XPO4: variants seen among roughly 807,000 people sequenced by gnomAD.
The protein encoded by XPO4 is exportin-4.
XPO4 carries 39 observed loss-of-function variants against 143.0 expected under a neutral mutation model. That is an observed-to-expected ratio of 0.27 (90% CI 0.21 to 0.36). XPO4 has a LOEUF of 0.36. Ranked by LOEUF, XPO4 falls within the 10% of genes least tolerant of loss-of-function variation. The pLI is 1.00. For synonymous variants in XPO4, 439 were observed against 474.0 expected, an observed-to-expected ratio of 0.93 and a Z score of 0.96; for missense variants, 907 against 1,348.0, an observed-to-expected ratio of 0.67 and a Z score of 5.12.
At chr13:20,902,305 A>C (rs1825241162) in intron 1 of XPO4, 2 of 985,364 alleles carry the variant, frequency 2.0e-6, no homozygotes, top group African/African-American at 3.5e-5. Flanking sequence ...ACACAGCCCT[A>C]CAAATTTCCC....
intron 15 of XPO4, 140 bp from the exon 16 acceptor site, chr13:20,799,479 A>G: frequency 1.5e-6 from 1 of 676,796 alleles, no homozygotes; most frequent in Non-Finnish European, 2.3e-6. Context: ...AACTTAGTAT[A>G]GACTTTGAAG....
At chr13:20,811,288 CTT>C (rs769614867) in intron 9 of XPO4, among the ~76,000 whole-genome samples, 20 of 136,662 alleles carry the variant, frequency 1.5e-4, no homozygotes, top group Admixed American at 1.5e-4. Context: ...ATGCTTTTTT[CTT>C]TTTTTTTTTT....
intron 1 of XPO4, among the ~76,000 whole-genome samples, chr13:20,894,817 C>T (rs2138186885): frequency 6.6e-6 from 1 of 150,946 alleles, no homozygotes; most frequent in Admixed American, 6.6e-5. Flanking sequence ...GCACTCCAGC[C>T]TGGGCAACAA....
rs1002894569 is a variant in XPO4 at position 20,822,205 on chromosome 13, T to C, written c.925A>G (p.Ile309Val). The C allele has an allele frequency of 4.3e-6, 7 of 1,614,096 alleles. No homozygotes were observed. Among genetic ancestry groups the C allele is most frequent in the South Asian group, 1.1e-5 (1 of 91,084 alleles). The change falls in exon 8 of 23, where the codon ATC becomes GTC. Residue 309 changes from isoleucine (I) to valine (V), a missense_variant. Coordinates refer to ENST00000255305, the MANE Select transcript of XPO4 (RefSeq NM_022459.5). Reference sequence around the variant, plus strand: ...ACTTGTGATCCTTCATCTGGGAAGATGGGTCCATGAAGAGAAGCTAACTGG... The same window carrying C: ...ACTTGTGATCCTTCATCTGGGAAGACGGGTCCATGAAGAGAAGCTAACTGG... ...LAQLASLHGP[I>V]FPDEGSQVDY...
rs117588686 is a variant in XPO4, at chr13:20,900,020, C to T, written c.69+2650G>A. ...AGACAAACCAGAGTTTGAGTCTCTA[C>T]CCCTTGCTATGTAAATTTGTGTAGA... On this transcript the variant is annotated intron_variant, in intron 1 of 22. Transcript: ENST00000255305. 8.8e-3 allele frequency among the ~76,000 whole-genome samples: 1,343 copies of T among 152,290 alleles called. 57 individuals are homozygous for T. Among genetic ancestry groups the T allele is most frequent in the Admixed American group, 0.064 (976 of 15,286 alleles).
chr13:20,849,148 C>T, intron 4 of XPO4: 1 of 985,422 alleles, frequency 1.0e-6, no homozygotes, highest in South Asian at 4.7e-5. Flanking sequence ...AGGATTGTCT[C>T]TTATAATAGC....
At chr13:20,850,290 T>C in intron 4 of XPO4, 2 of 977,234 alleles carry the variant, frequency 2.0e-6, no homozygotes, top group Non-Finnish European at 2.4e-6. Flanking sequence ...TGAATAGAAG[T>C]GAATATTATC....
intron 1 of XPO4, among the ~76,000 whole-genome samples, chr13:20,892,911 C>G (rs941212707): frequency 1.3e-5 from 2 of 151,230 alleles, no homozygotes; most frequent in African/African-American, 2.4e-5. Context: ...AATAAAAGAA[C>G]TACACTGTTA....
rs2059116497 is a variant in XPO4, at chr13:20,779,488, A to G, written c.*4234T>C. The G allele has an allele frequency of 6.9e-6, 1 of 145,284 alleles. No individual in the cohort carries two copies. The highest frequency in any genetic ancestry group is 2.7e-5 in the African/African-American group (1 of 36,744). 9.0% of individuals were successfully genotyped at this position (145,284 alleles called of 1,614,324 possible). A position where few individuals can be genotyped will look rare whatever the true frequency, so the allele number is the denominator to read the frequency against. On this transcript the variant is annotated 3_prime_UTR_variant, in exon 23 of 23. Transcript: ENST00000255305. Reference sequence around the variant, plus strand: ...GACGGGGAGAAAAAAAACCAAAACCAAAAAAAAAGACACCTCTCCAATTGC... The same window carrying G: ...GACGGGGAGAAAAAAAACCAAAACCGAAAAAAAAGACACCTCTCCAATTGC...
chr13:20,879,098 T>C (rs2060381662), intron 1 of XPO4: 1 of 985,052 alleles, frequency 1.0e-6, no homozygotes, highest in Non-Finnish European at 1.2e-6. Context: ...ACTCATGTGT[T>C]TACCCTGGAG....
chr13:20,874,013 G>C (rs2060328571), intron 1 of XPO4, among the ~76,000 whole-genome samples: 1 of 152,086 alleles, frequency 6.6e-6, no homozygotes, highest in African/African-American at 2.4e-5. Flanking sequence ...AGAAATTGTT[G>C]CATGCCCAAG....
chr13:20,792,714 T>G (rs112924930), intron 18 of XPO4, among the ~76,000 whole-genome samples: 7,965 of 114,898 alleles, frequency 0.069, 590 homozygotes, highest in African/African-American at 0.19. Context: ...AAAGTAAAAC[T>G]CTGTCTCACA....
intron 1 of XPO4, among the ~76,000 whole-genome samples, chr13:20,880,958 C>A (rs1167366496): frequency 7.2e-4 from 98 of 136,920 alleles, no homozygotes; most frequent in East Asian, 1.7e-3. Flanking sequence ...ACCCTGCCTC[C>A]AAAAAAAAAA....
chr13:20,829,074 G>A (rs532268972), intron 6 of XPO4, among the ~76,000 whole-genome samples: 14 of 152,156 alleles, frequency 9.2e-5, no homozygotes, highest in Non-Finnish European at 1.9e-4. Context: ...TAAATGTTCT[G>A]AGTAAGGCAA....
chr13:20,807,466 G>C lies in XPO4; in HGVS notation c.1808C>G (p.Ser603Cys). Reference protein sequence around the residue: ...SSIPGYNRTDSVIRLLSAILR... With the variant: ...SSIPGYNRTDCVIRLLSAILR... ...ATAGAGTTTATATTACCTAATCACA[G>C]AATCTGTTCTGTTGTACCCTGGGAT... The change falls in exon 13 of 23, where the codon TCT (serine) becomes TGT (cysteine). Residue 603 changes from serine to cysteine, a missense_variant. Ser to Cys is a moderately radical substitution (Grantham distance 112). Transcript: ENST00000255305. The C allele has an allele frequency of 6.2e-7, 1 of 1,611,476 alleles. No homozygotes were observed. The highest frequency in any genetic ancestry group is 8.5e-7 in the Non-Finnish European group (1 of 1,179,274).
intron 13 of XPO4, among the ~76,000 whole-genome samples, chr13:20,805,549 C>G (rs761450798): frequency 3.9e-5 from 6 of 152,132 alleles, no homozygotes; most frequent in Non-Finnish European, 8.8e-5. Flanking sequence ...CATGGCCTCC[C>G]TTACCAACCT....
At chr13:20,785,979 GA>G (rs2059200445) in intron 22 of XPO4, among the ~76,000 whole-genome samples, 1 of 31,918 alleles carries the variant, frequency 3.1e-5, no homozygotes, top group Non-Finnish European at 9.3e-5. Flanking sequence ...AAAAAGAGAG[GA>G]AGGAAGGAAG....
At chr13:20,870,586 C>T (rs558120914) in intron 1 of XPO4, among the ~76,000 whole-genome samples, 8 of 152,008 alleles carry the variant, frequency 5.3e-5, no homozygotes, top group Admixed American at 3.9e-4. Flanking sequence ...AAAAATGAGT[C>T]GGGCTCAGTG....
chr13:20,881,181 T>C (rs766016528), intron 1 of XPO4, among the ~76,000 whole-genome samples: 3 of 152,190 alleles, frequency 2.0e-5, no homozygotes, highest in African/African-American at 7.2e-5. Context: ...GGGTATATAG[T>C]TCCAGTTTGG....
Sources: gnomAD v4.1 joint callset for allele counts (sites outside exome capture counted in the v4.1 genomes callset) on GRCh38, gnomAD v4.1.1 for gene constraint, MANE v1.5 for transcripts, NCBI Gene and HGNC (gene_info 2026-07-23, HGNC 2026-07-21) for gene names.